Variants in MCPH1 observed in about 807,000 individuals in gnomAD.
The protein encoded by MCPH1 is microcephalin 1, also known as microcephalin.
MCPH1 carries 104 observed loss-of-function variants against 84.5 expected under a neutral mutation model. The observed-to-expected ratio is 1.23, with a 90% confidence interval of 1.05 to 1.45. MCPH1 has a LOEUF of 1.45. Ranked by LOEUF, MCPH1 falls within the 40% of genes most tolerant of loss-of-function variation. MCPH1 has a pLI of 0.00. For synonymous variants in MCPH1, 514 were observed against 366.8 expected (o/e 1.40, Z -4.58); for missense variants, 1,498 against 1,005.7 (o/e 1.49, Z -6.62).
chr8:6,469,410 C>G (rs1020190219), intron 9 of MCPH1, among the ~76,000 whole-genome samples: 1 of 152,154 alleles, frequency 6.6e-6, no homozygotes, highest in Non-Finnish European at 1.5e-5. Context: ...TGCCAGGGAT[C>G]TAGGTCATAT....
chr8:6,419,443 A>G (rs1799839205), intron 3 of MCPH1, among the ~76,000 whole-genome samples: 3 of 150,852 alleles, frequency 2.0e-5, no homozygotes, highest in African/African-American at 7.3e-5. Flanking sequence ...TCTGTGGCCT[A>G]GTGCAGTGGC....
At chr8:6,586,963 C>T (rs994869471) in intron 12 of MCPH1, among the ~76,000 whole-genome samples, 2 of 152,032 alleles carry the variant, frequency 1.3e-5, no homozygotes, top group South Asian at 2.1e-4. Flanking sequence ...CTGTGGGAGC[C>T]GAGCCCCGTT....
chr8:6,616,057 C>T (rs1830758228), intron 12 of MCPH1: 1 of 152,174 alleles, frequency 6.6e-6, no homozygotes. Flanking sequence ...AGCGCTTTAC[C>T]AGTTAGGAAG....
chr8:6,583,564 G>A (rs1563155247), intron 12 of MCPH1, among the ~76,000 whole-genome samples: 1 of 152,188 alleles, frequency 6.6e-6, no homozygotes, highest in Non-Finnish European at 1.5e-5. Context: ...CGAGGGTGGT[G>A]AACACAGGAC....
At chr8:6,441,996 C>G in intron 6 of MCPH1, 71 bp from the exon 7 acceptor site, 4 of 1,041,242 alleles carry the variant, frequency 3.8e-6, no homozygotes, top group Non-Finnish European at 4.5e-6. Context: ...AATAGGAGGA[C>G]TTCCTGCTGG....
intron 12 of MCPH1, among the ~76,000 whole-genome samples, chr8:6,528,698 A>G (rs1289391883): frequency 6.6e-6 from 1 of 152,208 alleles, no homozygotes; most frequent in African/African-American, 2.4e-5. Flanking sequence ...CACTTCCTCC[A>G]TGTCATGCTT....
chr8:6,579,926 C>T (rs1221951514), intron 12 of MCPH1, among the ~76,000 whole-genome samples: 2 of 152,204 alleles, frequency 1.3e-5, no homozygotes, highest in African/African-American at 4.8e-5. Flanking sequence ...ACTTTGACCA[C>T]CATTGCTGGG....
At chr8:6,564,341 A>C (rs1253974539) in intron 12 of MCPH1, among the ~76,000 whole-genome samples, 2 of 152,288 alleles carry the variant, frequency 1.3e-5, no homozygotes, top group East Asian at 3.9e-4. Flanking sequence ...ATTATCAATT[A>C]CATTAGTCCC....
chr8:6,415,850 A>G (rs185982091), intron 3 of MCPH1, among the ~76,000 whole-genome samples: 1 of 152,144 alleles, frequency 6.6e-6, no homozygotes, highest in Non-Finnish European at 1.5e-5. Flanking sequence ...ATTCAAAAAC[A>G]AAAAAGGCAG....
intron 8 of MCPH1, among the ~76,000 whole-genome samples, chr8:6,452,744 C>G (rs929886704): frequency 9.2e-5 from 14 of 152,200 alleles, no homozygotes; most frequent in African/African-American, 3.4e-4. Flanking sequence ...CTCCTTCAAG[C>G]CAGGAAGAAA....
At chr8:6,607,558 G>C (rs1829886954) in intron 12 of MCPH1, among the ~76,000 whole-genome samples, 1 of 152,210 alleles carries the variant, frequency 6.6e-6, no homozygotes, top group African/African-American at 2.4e-5. Flanking sequence ...TGGTTTGGCT[G>C]TGTCCCTACT....
chr8:6,634,842 G>T (rs1028891281), intron 13 of MCPH1: 6 of 152,100 alleles, frequency 3.9e-5, no homozygotes, highest in Non-Finnish European at 7.3e-5. Flanking sequence ...CTGTAACCAG[G>T]GTATCTTTAG....
intron 12 of MCPH1, among the ~76,000 whole-genome samples, chr8:6,607,436 A>C (rs1829874335): frequency 6.6e-6 from 1 of 152,198 alleles, no homozygotes; most frequent in African/African-American, 2.4e-5. Flanking sequence ...CATGAAACAC[A>C]TACTAAATAT....
intron 12 of MCPH1, chr8:6,527,504 A>T (rs1300516358): frequency 6.3e-7 from 1 of 1,585,252 alleles, no homozygotes; most frequent in African/African-American, 1.4e-5. Context: ...CGACTTTCAT[A>T]TCTGGAAAGT....
At chr8:6,594,313 T>A (rs1419797925) in intron 12 of MCPH1, among the ~76,000 whole-genome samples, 1 of 152,166 alleles carries the variant, frequency 6.6e-6, no homozygotes, top group Non-Finnish European at 1.5e-5. Context: ...GAATGAGTGG[T>A]TTACCCAGGG....
At position 6,626,469 on chromosome 8, in the gene MCPH1, G is replaced by GTTTTTTTTTT. The variant is rs1181554445; in HGVS notation, c.2452+4782_2452+4783insTTTTTTTTTT. Reference sequence around the variant, plus strand: ...AATGGGGTTGTTGTTTGGTTTTTTTGTTTTGTTTTTTTTTTTTTTTTTGCG... The same window carrying GTTTTTTTTTT: ...AATGGGGTTGTTGTTTGGTTTTTTTGTTTTTTTTTTTTTTGTTTTTTTTTTTTTTTTTGCG... On this transcript the variant is annotated intron_variant, in intron 13 of 13. Transcript: ENST00000344683. 14 of 827,298 alleles carry GTTTTTTTTTT rather than the reference G, an allele frequency of 1.7e-5. No homozygotes were observed. In the South Asian group the frequency reaches 2.4e-4, roughly 14 times the overall value. 51.2% of individuals were successfully genotyped at this position (827,298 alleles called of 1,614,324 possible).
At chr8:6,470,024 A>C (rs1338800183) in intron 9 of MCPH1, among the ~76,000 whole-genome samples, 2 of 152,222 alleles carry the variant, frequency 1.3e-5, no homozygotes, top group Non-Finnish European at 2.9e-5. Flanking sequence ...AAGGAAAAGA[A>C]TCCTGCATGT....
chr8:6,574,460 A>G (rs910967166), intron 12 of MCPH1, among the ~76,000 whole-genome samples: 2 of 152,202 alleles, frequency 1.3e-5, no homozygotes, highest in Admixed American at 1.3e-4. Flanking sequence ...ACTTCCAAAT[A>G]AGCCCACATG....
At chr8:6,613,761 C>A (rs960061570) in intron 12 of MCPH1, among the ~76,000 whole-genome samples, 2 of 151,994 alleles carry the variant, frequency 1.3e-5, no homozygotes, top group Admixed American at 6.6e-5. Context: ...GAAGTGGGCA[C>A]CCCCGTCTAG....
Sources: gnomAD v4.1 joint callset for allele counts (sites outside exome capture counted in the v4.1 genomes callset) on GRCh38, gnomAD v4.1.1 for gene constraint, MANE v1.5 for transcripts, NCBI Gene and HGNC (gene_info 2026-07-23, HGNC 2026-07-21) for gene names.